LRRC7: variants seen among roughly 807,000 people sequenced by gnomAD.
LRRC7 encodes leucine-rich repeat-containing protein 7.
In LRRC7, 23 loss-of-function variants were observed where a neutral mutation model predicts 175.7. The observed-to-expected ratio is 0.13, with a 90% CI of 0.09 to 0.19. The LOEUF is 0.19. LRRC7 is among the 10% of genes least tolerant of loss of function. The pLI, the probability that LRRC7 is intolerant of heterozygous loss-of-function variation, is 1.00. For synonymous variants in LRRC7, 685 were observed against 680.9 expected (o/e 1.01, Z -0.09); for missense variants, 1,354 against 1,904.7 (o/e 0.71, Z 5.38).
At chr1:69,826,519 T>A (rs1679931257) in intron 5 of LRRC7, among the ~76,000 whole-genome samples, 1 of 151,084 alleles carries the variant, frequency 6.6e-6, no homozygotes. Flanking sequence ...ATTGGAGGAG[T>A]CATGAACCTG....
intron 2 of LRRC7, among the ~76,000 whole-genome samples, chr1:69,709,442 T>A (rs926444997): frequency 6.6e-6 from 1 of 152,172 alleles, no homozygotes; most frequent in Non-Finnish European, 1.5e-5. Context: ...AGAATCAATC[T>A]TCTTATGTAC....
At chr1:70,022,898 A>G (rs1250125116) in intron 16 of LRRC7, among the ~76,000 whole-genome samples, 3 of 152,144 alleles carry the variant, frequency 2.0e-5, no homozygotes, top group Non-Finnish European at 4.4e-5. Context: ...CCCTACTTAC[A>G]GTCTGTATAG....
intron 7 of LRRC7, among the ~76,000 whole-genome samples, chr1:69,862,956 T>C (rs1684522474): frequency 6.6e-6 from 1 of 152,182 alleles, no homozygotes; most frequent in Admixed American, 6.5e-5. Context: ...ATCATCCATG[T>C]ATTTCAATGC....
At chr1:69,774,566 A>G (rs975551275) in intron 3 of LRRC7, among the ~76,000 whole-genome samples, 2 of 152,162 alleles carry the variant, frequency 1.3e-5, no homozygotes, top group Non-Finnish European at 2.9e-5. Flanking sequence ...AAGTGAGGTG[A>G]TTTATATGTT....
At chr1:70,051,153 T>C (rs1660716481) in intron 22 of LRRC7, among the ~76,000 whole-genome samples, 1 of 151,990 alleles carries the variant, frequency 6.6e-6, no homozygotes, top group South Asian at 2.1e-4. Context: ...TTTGTAATTC[T>C]CAGTTTCTCT....
intron 23 of LRRC7, among the ~76,000 whole-genome samples, chr1:70,067,382 A>T (rs761674325): frequency 1.3e-5 from 2 of 152,084 alleles, no homozygotes; most frequent in Non-Finnish European, 2.9e-5. Context: ...TGTTGCAAAG[A>T]TTCTTTCCTA....
At chr1:69,593,848 C>A (rs1432980644) in intron 1 of LRRC7, among the ~76,000 whole-genome samples, 1 of 152,140 alleles carries the variant, frequency 6.6e-6, no homozygotes, top group Non-Finnish European at 1.5e-5. Flanking sequence ...TATTTCCCAT[C>A]TGTGGAAGCA....
chr1:69,640,136 A>C (rs1038795649), intron 1 of LRRC7, among the ~76,000 whole-genome samples: 2 of 151,748 alleles, frequency 1.3e-5, no homozygotes, highest in Admixed American at 6.6e-5. Flanking sequence ...TACAGGTCTG[A>C]GGAAAAACAT....
At chr1:69,798,646 T>C (rs1676089388) in intron 4 of LRRC7, among the ~76,000 whole-genome samples, 1 of 152,186 alleles carries the variant, frequency 6.6e-6, no homozygotes, top group African/African-American at 2.4e-5. Context: ...CTTTAGGGGT[T>C]TTATTAGTAA....
rs200750106 is a variant in LRRC7 at position 69,999,809 on chromosome 1, G to T, written c.1004+5176G>T. Among the ~76,000 whole-genome samples the T allele has an allele frequency of 2.0e-4, 31 of 151,984 alleles. No homozygotes were observed. In the East Asian group the frequency reaches 2.3e-3, roughly 11 times the overall value. ...GTACATCTTCCAGAAATTTTTTTTT[G>T]AAATCATCTGAAGTAGGGATGTAAC... On this transcript the variant is annotated intron_variant, in intron 11 of 26. Transcript: ENST00000651989.
intron 8 of LRRC7, among the ~76,000 whole-genome samples, chr1:69,952,991 A>C (rs1650098786): frequency 7.1e-6 from 1 of 140,966 alleles, no homozygotes. Flanking sequence ...TGTAGGAGAG[A>C]CAAGGCAAAA....
chr1:69,717,814 GAA>G lies in LRRC7; in HGVS notation c.100+39338_100+39339del, dbSNP rs757658968. 6.6e-3 allele frequency among the ~76,000 whole-genome samples: 167 copies of G among 25,398 alleles called. 12 individuals are homozygous for G. Among genetic ancestry groups the G allele is most frequent in the Admixed American group, 7.0e-3 (14 of 1,986 alleles). 16.7% of individuals were successfully genotyped at this position (25,398 alleles called of 152,430 possible). A position where few individuals can be genotyped will look rare whatever the true frequency, so the allele number is the denominator to read the frequency against. ...AGAAAGAAAGAAAGAAAGAAAGAAA[GAA>G]AGAAAGAAAGAAAGAAAGAAAGAAA... On this transcript the variant is annotated intron_variant, in intron 2 of 26. Transcript: ENST00000651989.
At chr1:70,113,677 G>A (rs1219619063) in intron 26 of LRRC7, among the ~76,000 whole-genome samples, 1 of 151,704 alleles carries the variant, frequency 6.6e-6, no homozygotes, top group East Asian at 1.9e-4. Context: ...AGAAAGTTTT[G>A]TACTTTCAGT....
rs574589700 is a variant in LRRC7 at position 69,774,637 on chromosome 1, A to G, written c.303+14244A>G. 1.6e-4 allele frequency among the ~76,000 whole-genome samples: 24 copies of G among 152,342 alleles called. No individual in the cohort carries two copies. In the South Asian group the frequency reaches 5.0e-3, roughly 32 times the overall value. ...TGTGTATTCTGTAACATCATGTTAC[A>G]TACTTTAAATATACATATTACATTT... On this transcript the variant is annotated intron_variant, in intron 3 of 26. Coordinates refer to ENST00000651989, the MANE Select transcript of LRRC7 (RefSeq NM_001370785.2).
At chr1:69,949,699 TTA>T (rs1184511727) in intron 8 of LRRC7, among the ~76,000 whole-genome samples, 1 of 152,220 alleles carries the variant, frequency 6.6e-6, no homozygotes, top group South Asian at 2.1e-4. Context: ...AAACAACTTT[TTA>T]TATATACATG....
At chr1:69,817,425 C>T (rs1678728477) in intron 4 of LRRC7, among the ~76,000 whole-genome samples, 1 of 151,902 alleles carries the variant, frequency 6.6e-6, no homozygotes, top group Non-Finnish European at 1.5e-5. Context: ...ATTTGTTAAC[C>T]ATCAGTTGAT....
chr1:69,991,155 CA>C (rs10709966), intron 10 of LRRC7, among the ~76,000 whole-genome samples: 126,133 of 135,474 alleles, frequency 0.93, 58,797 homozygotes, highest in Non-Finnish European at 0.97. Flanking sequence ...GACCTTTTAT[CA>C]AAAAAAAAAA....
intron 12 of LRRC7, among the ~76,000 whole-genome samples, chr1:70,012,468 A>G (rs1656595996): frequency 6.6e-6 from 1 of 151,874 alleles, no homozygotes; most frequent in South Asian, 2.1e-4. Flanking sequence ...TTTTCAATTG[A>G]GCATTTTCTA....
chr1:69,754,905 G>A (rs1339642546), intron 2 of LRRC7, among the ~76,000 whole-genome samples: 2 of 151,888 alleles, frequency 1.3e-5, no homozygotes, highest in South Asian at 2.1e-4. Context: ...GTGAGAGTTG[G>A]GAAAGCTGAA....
Sources: allele counts gnomAD v4.1 joint callset (sites outside exome capture counted in the v4.1 genomes callset), GRCh38; gene constraint gnomAD v4.1.1; transcripts MANE v1.5; gene names NCBI Gene and HGNC (gene_info 2026-07-23, HGNC 2026-07-21).